Variants in BAALC observed in about 807,000 individuals in gnomAD.
BAALC encodes the protein brain and acute leukemia cytoplasmic protein.
Under a neutral mutation model 15.5 loss-of-function variants are expected in BAALC, and 9 were observed. That is an observed-to-expected ratio of 0.58 (90% CI 0.35 to 1.02). The LOEUF (loss-of-function observed/expected upper bound fraction) is 1.02. BAALC is among the 50% of genes least tolerant of loss of function. The probability of loss-of-function intolerance (pLI) is 0.02; values close to 1 mark genes in which losing one functional copy is unlikely to be tolerated. For synonymous variants in BAALC, 80 were observed against 74.6 expected, an observed-to-expected ratio of 1.07 and a Z score of -0.37; for missense variants, 201 against 192.4, an observed-to-expected ratio of 1.04 and a Z score of -0.27.
intron 1 of BAALC, among the ~76,000 whole-genome samples, chr8:103,188,289 C>T (rs551047705): frequency 6.6e-6 from 1 of 152,260 alleles, no homozygotes; most frequent in South Asian, 2.1e-4. Flanking sequence ...CTGTAGAAGC[C>T]CTAAGATTTA....
At chr8:103,155,853 C>A (rs970499113) in intron 1 of BAALC, among the ~76,000 whole-genome samples, 1 of 152,070 alleles carries the variant, frequency 6.6e-6, no homozygotes, top group Non-Finnish European at 1.5e-5. Context: ...CTGGGGTGGA[C>A]CTGAGATTCT....
chr8:103,185,095 G>A (rs994482360), intron 1 of BAALC, among the ~76,000 whole-genome samples: 3 of 152,024 alleles, frequency 2.0e-5, no homozygotes, highest in East Asian at 1.9e-4. Flanking sequence ...GATTCTGTAC[G>A]TACCAGGCAG....
At chr8:103,196,827 A>C (rs1812108946) in intron 1 of BAALC, among the ~76,000 whole-genome samples, 1 of 152,218 alleles carries the variant, frequency 6.6e-6, no homozygotes. Flanking sequence ...CTGAGTGCAG[A>C]AAATGAGCCT....
At chr8:103,142,841 C>A (rs1266208914) in intron 1 of BAALC, among the ~76,000 whole-genome samples, 1 of 152,188 alleles carries the variant, frequency 6.6e-6, no homozygotes, top group East Asian at 1.9e-4. Context: ...ATCATGAGAT[C>A]TGGTCACTGC....
chr8:103,142,299 G>A (rs1810794717), intron 1 of BAALC, among the ~76,000 whole-genome samples: 1 of 152,172 alleles, frequency 6.6e-6, no homozygotes, highest in Non-Finnish European at 1.5e-5. Context: ...TTGTGACTTG[G>A]TTTTATTTTA....
intron 1 of BAALC, among the ~76,000 whole-genome samples, chr8:103,178,791 A>G (rs1157533200): frequency 6.6e-6 from 1 of 151,520 alleles, no homozygotes; most frequent in African/African-American, 2.4e-5. Flanking sequence ...GGGACCCAGG[A>G]GGCAGAGGTT....
At chr8:103,188,269 C>T (rs1036696375) in intron 1 of BAALC, among the ~76,000 whole-genome samples, 1 of 152,194 alleles carries the variant, frequency 6.6e-6, no homozygotes, top group African/African-American at 2.4e-5. Context: ...AGCCATTTTT[C>T]TAGTAGCTCC....
At chr8:103,174,348 A>G (rs1811561818) in intron 1 of BAALC, among the ~76,000 whole-genome samples, 1 of 151,742 alleles carries the variant, frequency 6.6e-6, no homozygotes, top group South Asian at 2.1e-4. Context: ...GTGAGACTGG[A>G]CCTTTGCACA....
intron 1 of BAALC, among the ~76,000 whole-genome samples, chr8:103,182,869 C>T (rs1289813421): frequency 6.6e-6 from 1 of 152,194 alleles, no homozygotes; most frequent in Non-Finnish European, 1.5e-5. Flanking sequence ...GGTGAGCTAA[C>T]TCCATAGCAC....
chr8:103,147,484 C>T lies in BAALC; in HGVS notation c.160+6427C>T, dbSNP rs9642983. On this transcript the variant is annotated intron_variant, in intron 1 of 2. Coordinates refer to ENST00000309982, the MANE Select transcript of BAALC (RefSeq NM_024812.3). ...AAAACATTGCAGATTTTTTTTTCTT[C>T]GGTTAATAGGCCCTGGTGGGAAGAA... Among the ~76,000 whole-genome samples the T allele has an allele frequency of 1.4e-3, 205 of 151,010 alleles. 1 individual carries two copies. The East Asian group carries it at 0.024, about 17-fold the overall frequency.
At chr8:103,196,544 G>T (rs902590590) in intron 1 of BAALC, among the ~76,000 whole-genome samples, 8 of 152,278 alleles carry the variant, frequency 5.3e-5, no homozygotes, top group Non-Finnish European at 8.8e-5. Flanking sequence ...ACCTCCCAAA[G>T]TGTTAGGATT....
chr8:103,192,199 G>A (rs1811985126), intron 1 of BAALC, among the ~76,000 whole-genome samples: 1 of 152,126 alleles, frequency 6.6e-6, no homozygotes, highest in Non-Finnish European at 1.5e-5. Context: ...TTACAGGCAT[G>A]TGCCACCACC....
At chr8:103,176,006 C>T (rs1046378440) in intron 1 of BAALC, among the ~76,000 whole-genome samples, 1 of 152,184 alleles carries the variant, frequency 6.6e-6, no homozygotes, top group Non-Finnish European at 1.5e-5. Context: ...CAGACTCAAG[C>T]CAAGCTTTGC....
intron 1 of BAALC, among the ~76,000 whole-genome samples, chr8:103,148,997 A>T (rs1810927988): frequency 6.6e-6 from 1 of 152,180 alleles, no homozygotes; most frequent in Non-Finnish European, 1.5e-5. Flanking sequence ...TAACCTCATA[A>T]ACCATTGTTC....
intron 1 of BAALC, chr8:103,198,088 T>G: frequency 2.9e-6 from 2 of 699,854 alleles, no homozygotes; most frequent in Non-Finnish European, 5.2e-6. Flanking sequence ...TCCATCTACA[T>G]GTACTGTTAG....
chr8:103,141,346 A>G, intron 1 of BAALC: 2 of 363,612 alleles, frequency 5.5e-6, no homozygotes, highest in Non-Finnish European at 9.8e-6. Context: ...GGTGGGTGGG[A>G]GGACAGCCCA....
chr8:103,195,297 TAAGCTGAGTTCAGCGTGATCTTTACC>T (rs1339990501), intron 1 of BAALC, among the ~76,000 whole-genome samples: 3 of 152,170 alleles, frequency 2.0e-5, no homozygotes, highest in Admixed American at 6.5e-5. Flanking sequence ...GCTCTTCCTG[TAAGCTGAGTTCAGCGTGATCTTTACC>T]AAGCTGAGGT....
At chr8:103,191,192 T>A (rs1408034302) in intron 1 of BAALC, 3 of 144,126 alleles carry the variant, frequency 2.1e-5, no homozygotes, top group African/African-American at 7.5e-5. Flanking sequence ...AGAGTGAGAC[T>A]GTCTAAAAAA....
At chr8:103,200,939 G>A (rs1812201553) in intron 1 of BAALC, among the ~76,000 whole-genome samples, 2 of 152,070 alleles carry the variant, frequency 1.3e-5, no homozygotes, top group South Asian at 4.1e-4. Flanking sequence ...ATAGCAGGGA[G>A]GAAAATTGCA....
Sources: allele counts gnomAD v4.1 joint callset (sites outside exome capture counted in the v4.1 genomes callset), GRCh38; gene constraint gnomAD v4.1.1; transcripts MANE v1.5; gene names NCBI Gene and HGNC (gene_info 2026-07-23, HGNC 2026-07-21).